The following INKA2 variants were observed in gnomAD, a reference collection of about 807,000 sequenced individuals.
INKA2 encodes PAK4-inhibitor INKA2.
Under a neutral mutation model 9.8 loss-of-function variants are expected in INKA2, and 3 were observed. That is an observed-to-expected ratio of 0.31 (90% confidence interval 0.14 to 0.79). The LOEUF is 0.79. Among genes scored for constraint, INKA2 ranks in the 30% least tolerant of loss-of-function variants. The probability of loss-of-function intolerance (pLI) is 0.62; values close to 1 mark genes in which losing one functional copy is unlikely to be tolerated. For synonymous variants in INKA2, 147 were observed against 143.3 expected (o/e 1.03, Z -0.18); for missense variants, 392 against 384.4 (o/e 1.02, Z -0.17).
intron 1 of INKA2, chr1:111,755,131 C>CGGAGGCGGATGCAT (rs1315052528): frequency 6.6e-4 from 104 of 157,766 alleles, no homozygotes; most frequent in Non-Finnish European, 8.1e-4. Flanking sequence ...GGAGGTGCTG[C>CGGAGGCGGATGCAT]GGAGGCGGAT....
At chr1:111,743,194 C>A (rs761938069), upstream of INKA2, among the ~76,000 whole-genome samples, 1 of 152,166 alleles carries the variant, frequency 6.6e-6, no homozygotes, top group African/African-American at 2.4e-5. Flanking sequence ...CCACCCACCC[C>A]CCTCCGAAAC....
In INKA2 at chr1:111,727,133, G is replaced by A. The variant is rs1662795130; in HGVS notation, c.729C>T (p.Gly243=). ...TCCGCTTCTTGACCTTCTGTGAGCGGCCGGTTCGGGACTCAGGGACCATGG... is the reference window on the plus strand; with the variant it reads ...TCCGCTTCTTGACCTTCTGTGAGCGACCGGTTCGGGACTCAGGGACCATGG... The part of the protein sequence containing the change: ...VTPMVPESRT[G]RSQKVKKRSL... Residue 243 remains glycine, a synonymous_variant, in exon 2 of 2, where the codon GGC becomes GGT. Transcript: ENST00000357260. The A allele has an allele frequency of 6.2e-7, 1 of 1,614,224 alleles. No homozygotes were observed. Among genetic ancestry groups the A allele is most frequent in the African/African-American group, 1.3e-5 (1 of 75,060 alleles).
intron 1 of INKA2, chr1:111,755,554 G>T: frequency 1.2e-6 from 1 of 860,866 alleles, no homozygotes; most frequent in Non-Finnish European, 1.7e-6. Flanking sequence ...GGGGCGTGAC[G>T]CACCGGGCGC....
At chr1:111,749,722 C>T (rs1663357517) in intron 1 of INKA2, among the ~76,000 whole-genome samples, 2 of 152,050 alleles carry the variant, frequency 1.3e-5, no homozygotes, top group South Asian at 4.1e-4. Flanking sequence ...ACAGGTGTAC[C>T]CCTCCCTGAG....
chr1:111,748,752 T>C (rs758276919), intron 1 of INKA2, among the ~76,000 whole-genome samples: 102 of 152,172 alleles, frequency 6.7e-4, no homozygotes, highest in Non-Finnish European at 5.6e-4. Context: ...CTGGGAGAGG[T>C]TTGATTTAAT....
intron 1 of INKA2, among the ~76,000 whole-genome samples, chr1:111,738,880 C>G (rs865964904): frequency 6.6e-5 from 10 of 152,210 alleles, no homozygotes; most frequent in African/African-American, 2.4e-4. Flanking sequence ...TGTGCCTGGC[C>G]GTCTCTGGGC....
At position 111,726,710 on chromosome 1, in the gene INKA2, TGC is replaced by T; in HGVS notation, c.*256_*257del. 8.3e-6 allele frequency: 4 copies of T among 482,162 alleles called. No individual in the cohort carries two copies. The highest frequency in any genetic ancestry group is 3.7e-5 in the Admixed American group (1 of 26,932). The allele number at this position is 482,162 out of a possible 1,614,324, so 29.9% of individuals were successfully genotyped here. ...CATGCATGCCAGACAGACACACACA[TGC>T]ACACACACACACACACACGCACAGC... On this transcript the variant is annotated 3_prime_UTR_variant, in exon 2 of 2. Coordinates refer to ENST00000357260, the MANE Select transcript of INKA2 (RefSeq NM_019099.5).
upstream of INKA2, among the ~76,000 whole-genome samples, chr1:111,740,254 C>T (rs1306813047): frequency 6.6e-6 from 1 of 152,242 alleles, no homozygotes; most frequent in Non-Finnish European, 1.5e-5. Flanking sequence ...ACGCTCTCGC[C>T]TTTGGCGAAG....
intron 1 of INKA2, among the ~76,000 whole-genome samples, chr1:111,729,650 T>C (rs1662862009): frequency 6.6e-6 from 1 of 152,204 alleles, no homozygotes; most frequent in Admixed American, 6.5e-5. Flanking sequence ...AGGGACCATG[T>C]GTTTCTTAAG....
chr1:111,727,022 C>A lies in INKA2; in HGVS notation c.840G>T (p.Lys280Asn). ...ATCCTGAGGGTGAGTGCTCCAGGGC[C>A]TTGGGGCAGCTTGTGGGGGGATTCT... is the stretch of plus-strand genomic sequence containing the variant. ...RGENPPTSCP[K>N]ALEHSPSGFD... Residue 280 changes from lysine to asparagine, a missense_variant, in exon 2 of 2, where the codon AAG becomes AAT. Transcript: ENST00000357260. The A allele has an allele frequency of 6.2e-7, 1 of 1,614,048 alleles. No individual in the cohort carries two copies. The highest frequency in any genetic ancestry group is 8.5e-7 in the Non-Finnish European group (1 of 1,180,016).
intron 1 of INKA2, among the ~76,000 whole-genome samples, chr1:111,751,276 T>C (rs1663406416): frequency 6.6e-6 from 1 of 152,264 alleles, no homozygotes; most frequent in African/African-American, 2.4e-5. Context: ...AGAAAGCTAT[T>C]GCTCTTTGAA....
Position 111,725,712 on chromosome 1 carries a change from A to C in INKA2, c.*1256T>G. ...GTGCAGGAGACAGGGGTTGTGGGGT[A>C]TGGGGCCCTACGAACTGTTTTTTTT... On this transcript the variant is annotated 3_prime_UTR_variant, in exon 2 of 2. Transcript: ENST00000357260. 98 of 155,294 alleles carry C rather than the reference A, an allele frequency of 6.3e-4. No individual in the cohort carries two copies. Among genetic ancestry groups the C allele is most frequent in the Middle Eastern group, 3.2e-3 (1 of 314 alleles). 9.6% of individuals were successfully genotyped at this position (155,294 alleles called of 1,614,324 possible).
At chr1:111,728,276 G>A (rs867641001) in intron 1 of INKA2, among the ~76,000 whole-genome samples, 32 of 152,120 alleles carry the variant, frequency 2.1e-4, no homozygotes, top group African/African-American at 6.0e-4. Flanking sequence ...AGTGATGATG[G>A]CGGAAAAAAC....
chr1:111,750,240 G>A (rs1016362898), intron 1 of INKA2, among the ~76,000 whole-genome samples: 1 of 152,200 alleles, frequency 6.6e-6, no homozygotes, highest in Non-Finnish European at 1.5e-5. Context: ...CCATGGTGGG[G>A]GGTGGCTGTG....
At chr1:111,735,681 A>G (rs1662994609) in intron 1 of INKA2, among the ~76,000 whole-genome samples, 1 of 152,120 alleles carries the variant, frequency 6.6e-6, no homozygotes, top group African/African-American at 2.4e-5. Context: ...TGCCTCAGGA[A>G]ATTTGCCTTT....
At chr1:111,755,619 G>C (rs1185359870) in intron 1 of INKA2, 1 of 1,577,320 alleles carries the variant, frequency 6.3e-7, no homozygotes, top group South Asian at 1.1e-5. Flanking sequence ...GGGCGGCTCC[G>C]CCCAGAAGAG....
upstream of INKA2, among the ~76,000 whole-genome samples, chr1:111,739,646 C>T (rs1469344845): frequency 6.6e-6 from 1 of 152,202 alleles, no homozygotes; most frequent in African/African-American, 2.4e-5. Flanking sequence ...TACCGCGGCC[C>T]CCAACGAAGC....
At chr1:111,741,683 T>G (rs1216988519), upstream of INKA2, among the ~76,000 whole-genome samples, 1 of 152,238 alleles carries the variant, frequency 6.6e-6, no homozygotes, top group Non-Finnish European at 1.5e-5. Context: ...TAAGAAACTC[T>G]GAGTAAACAT....
Position 111,727,037 on chromosome 1 carries a change from G to C in INKA2, c.825C>G (p.Pro275=), listed in dbSNP as rs776941733. The C allele has an allele frequency of 5.6e-6, 9 of 1,613,958 alleles. No homozygotes were observed. The highest frequency in any genetic ancestry group is 3.3e-5 in the South Asian group (3 of 91,066). ...TGEHRRGENP[P]TSCPKALEHS... The stretch of plus-strand genomic sequence containing the variant: ...GCTCCAGGGCCTTGGGGCAGCTTGT[G>C]GGGGGATTCTCCCCTCGCCTGTGCT... Residue 275 remains proline, a synonymous_variant, in exon 2 of 2, where the codon CCC becomes CCG. Coordinates refer to ENST00000357260, the MANE Select transcript of INKA2 (RefSeq NM_019099.5).
Sources: gnomAD v4.1 joint callset for allele counts (sites outside exome capture counted in the v4.1 genomes callset) on GRCh38, gnomAD v4.1.1 for gene constraint, MANE v1.5 for transcripts, NCBI Gene and HGNC (gene_info 2026-07-23, HGNC 2026-07-21) for gene names.